UHRF2: variants seen among roughly 807,000 people sequenced by gnomAD.
The protein encoded by UHRF2 is ubiquitin like with PHD and ring finger domains 2, also known as E3 ubiquitin-protein ligase UHRF2.
A neutral mutation model predicts 96.8 loss-of-function variants in UHRF2; 23 were observed. That is an observed-to-expected ratio of 0.24 (90% CI 0.17 to 0.34). UHRF2 has a LOEUF of 0.34. UHRF2 is among the 10% of genes least tolerant of loss of function. UHRF2 has a pLI of 1.00. For synonymous variants in UHRF2, 385 were observed against 332.6 expected (o/e 1.16, Z -1.72); for missense variants, 685 against 981.5 (o/e 0.70, Z 4.04).
chr9:6,457,903 G>A (rs1254973960), intron 3 of UHRF2, among the ~76,000 whole-genome samples: 1 of 152,098 alleles, frequency 6.6e-6, no homozygotes, highest in Non-Finnish European at 1.5e-5. Context: ...TGCTGGATTC[G>A]GTTTGCCCGT....
intron 2 of UHRF2, among the ~76,000 whole-genome samples, chr9:6,426,416 T>C (rs551674558): frequency 2.6e-5 from 4 of 152,344 alleles, no homozygotes; most frequent in African/African-American, 9.6e-5. Context: ...TAGGAGCACA[T>C]TGGAATCTAG....
chr9:6,502,941 A>G (rs1257890188), intron 14 of UHRF2, among the ~76,000 whole-genome samples: 2 of 152,234 alleles, frequency 1.3e-5, no homozygotes, highest in Admixed American at 6.5e-5. Flanking sequence ...AATATGAGAC[A>G]TCTTTTGAAA....
At chr9:6,465,233 G>C (rs991743393) in intron 4 of UHRF2, among the ~76,000 whole-genome samples, 3 of 152,156 alleles carry the variant, frequency 2.0e-5, no homozygotes, top group African/African-American at 4.8e-5. Flanking sequence ...GATTTGGTTT[G>C]ACAGTGTTTT....
chr9:6,479,910 A>T (rs1233313292), intron 6 of UHRF2, among the ~76,000 whole-genome samples: 1 of 152,148 alleles, frequency 6.6e-6, no homozygotes, highest in Non-Finnish European at 1.5e-5. Context: ...ATGTCTAACT[A>T]GACTCTTTGC....
chr9:6,433,787 C>G, intron 2 of UHRF2, 127 bp from the exon 3 acceptor site: 1 of 896,826 alleles, frequency 1.1e-6, no homozygotes, highest in Non-Finnish European at 1.7e-6. Flanking sequence ...TCTTATTAAC[C>G]ACTTTAAACA....
At chr9:6,450,549 T>G (rs1361388549) in intron 3 of UHRF2, among the ~76,000 whole-genome samples, 1 of 152,202 alleles carries the variant, frequency 6.6e-6, no homozygotes, top group Non-Finnish European at 1.5e-5. Context: ...TACTTTTCTG[T>G]GGTAAGATTC....
intron 1 of UHRF2, among the ~76,000 whole-genome samples, chr9:6,419,795 C>T (rs1819820826): frequency 6.6e-6 from 1 of 152,118 alleles, no homozygotes; most frequent in Non-Finnish European, 1.5e-5. Context: ...GACTTGAGTG[C>T]AATAGCATGA....
At chr9:6,501,146 A>AAATT (rs1454711927) in intron 14 of UHRF2, among the ~76,000 whole-genome samples, 1 of 152,224 alleles carries the variant, frequency 6.6e-6, no homozygotes, top group African/African-American at 2.4e-5. Context: ...TTATGTTTCT[A>AAATT]AATTTTCATT....
intron 2 of UHRF2, among the ~76,000 whole-genome samples, chr9:6,433,552 T>A (rs1820672857): frequency 6.6e-6 from 1 of 152,210 alleles, no homozygotes; most frequent in Non-Finnish European, 1.5e-5. Flanking sequence ...AGATTAGTCA[T>A]ATTAGCTTAA....
intron 4 of UHRF2, among the ~76,000 whole-genome samples, chr9:6,464,975 A>C (rs201073230): frequency 2.0e-5 from 3 of 152,180 alleles, no homozygotes; most frequent in African/African-American, 4.8e-5. Flanking sequence ...ATTTTAATTT[A>C]CATGTAGATT....
At chr9:6,451,868 C>G (rs1821890977) in intron 3 of UHRF2, among the ~76,000 whole-genome samples, 1 of 152,016 alleles carries the variant, frequency 6.6e-6, no homozygotes, top group Non-Finnish European at 1.5e-5. Context: ...ACTGCAGTCT[C>G]TGCCTCCCTG....
At chr9:6,447,394 G>A (rs7860966) in intron 3 of UHRF2, among the ~76,000 whole-genome samples, 36,754 of 151,974 alleles carry the variant, frequency 0.24, 4,749 homozygotes, top group African/African-American at 0.31. Flanking sequence ...TTGCTCCTCA[G>A]TGAAAAATTG....
chr9:6,413,560 A>T lies in UHRF2; in HGVS notation c.70A>T (p.Thr24Ser). The part of the protein sequence containing the change: ...CTIEDVSRKA[T>S]IEELRERVWA... ...CATTGAGGACGTGTCTCGCAAAGCCACGATTGAGGAGCTGCGCGAGCGGGT... is the reference window on the plus strand; with the variant it reads ...CATTGAGGACGTGTCTCGCAAAGCCTCGATTGAGGAGCTGCGCGAGCGGGT... The change falls in exon 1 of 16, where the codon ACG becomes TCG. Residue 24 changes from threonine (T) to serine (S), a missense_variant. Physicochemically the swap from Thr to Ser is moderately conservative, Grantham distance 58. Around this residue, in one of 6 missense-constraint regions of UHRF2, gnomAD observed 38 missense variants for 35.9 expected, o/e 1.06. Transcript: ENST00000276893. 6.2e-7 allele frequency: 1 copy of T among 1,601,358 alleles called. No individual in the cohort carries two copies. Among genetic ancestry groups the T allele is most frequent in the South Asian group, 1.1e-5 (1 of 89,530 alleles).
At chr9:6,482,949 T>C (rs1317481482) in intron 8 of UHRF2, among the ~76,000 whole-genome samples, 1 of 152,152 alleles carries the variant, frequency 6.6e-6, no homozygotes, top group East Asian at 1.9e-4. Flanking sequence ...AACATTTAGA[T>C]AACATACACT....
chr9:6,504,469 TC>T (rs1816479473), intron 14 of UHRF2, 123 bp from the exon 15 acceptor site: 1 of 606,754 alleles, frequency 1.6e-6, no homozygotes, highest in Non-Finnish European at 2.9e-6. Context: ...ACTATAAACA[TC>T]TTTTATGCTG....
At chr9:6,415,899 G>C (rs1819569281) in intron 1 of UHRF2, among the ~76,000 whole-genome samples, 1 of 152,146 alleles carries the variant, frequency 6.6e-6, no homozygotes, top group African/African-American at 2.4e-5. Flanking sequence ...TCAAAGTATG[G>C]TCCCTGGATT....
At chr9:6,414,794 TG>T (rs777226481) in intron 1 of UHRF2, among the ~76,000 whole-genome samples, 3 of 152,324 alleles carry the variant, frequency 2.0e-5, no homozygotes, top group Non-Finnish European at 2.9e-5. Context: ...AATTACACTT[TG>T]GGAAGGAGAG....
At chr9:6,427,903 TG>T (rs1820349072) in intron 2 of UHRF2, among the ~76,000 whole-genome samples, 1 of 152,198 alleles carries the variant, frequency 6.6e-6, no homozygotes, top group Non-Finnish European at 1.5e-5. Context: ...TGAATCACAC[TG>T]GGTCTAGATT....
intron 3 of UHRF2, among the ~76,000 whole-genome samples, chr9:6,442,468 TTTTGTTTTG>T (rs138655225): frequency 0.88 from 129,758 of 146,950 alleles, 56,998 homozygotes; most frequent in East Asian, 0.97. Flanking sequence ...TTTTGTTTTG[TTTTGTTTTG>T]TTTGTTTTGT....
Sources: gnomAD v4.1 joint callset for allele counts (sites outside exome capture counted in the v4.1 genomes callset) on GRCh38, gnomAD v4.1.1 for gene constraint, gnomAD v4.1.1 regional missense constraint, MANE v1.5 for transcripts, NCBI Gene and HGNC (gene_info 2026-07-23, HGNC 2026-07-21) for gene names.